ANXA4: variants seen among roughly 807,000 people sequenced by gnomAD.
ANXA4 encodes 35-beta calcimedin.
In ANXA4, 39 loss-of-function variants were observed where a neutral mutation model predicts 49.8. The ratio of observed to expected loss-of-function variants is 0.78; its 90% CI spans 0.61 to 1.02. The LOEUF is 1.02. ANXA4 is among the 50% of genes least tolerant of loss of function. The pLI is 0.00. For synonymous variants in ANXA4, 134 were observed against 152.5 expected, an observed-to-expected ratio of 0.88 and a Z score of 0.89; for missense variants, 360 against 410.1, an observed-to-expected ratio of 0.88 and a Z score of 1.05.
At chr2:69,774,345 T>TC (rs1671877926) in intron 1 of ANXA4, among the ~76,000 whole-genome samples, 1 of 134,930 alleles carries the variant, frequency 7.4e-6, no homozygotes, top group African/African-American at 2.7e-5. Context: ...CCCCCCTTTT[T>TC]TTTTTTTTTT....
intron 2 of ANXA4, among the ~76,000 whole-genome samples, chr2:69,703,159 T>G (rs1678386635): frequency 6.6e-6 from 1 of 151,906 alleles, no homozygotes; most frequent in Non-Finnish European, 1.5e-5. Context: ...GTCCTCCTTT[T>G]CCCTCTGTAG....
chr2:69,792,803 T>C (rs555211695), intron 3 of ANXA4, among the ~76,000 whole-genome samples: 1 of 152,350 alleles, frequency 6.6e-6, no homozygotes, highest in East Asian at 1.9e-4. Flanking sequence ...ATTTTTAACT[T>C]TAATGTAAAA....
chr2:69,825,219 C>T (rs1317795923), intron 12 of ANXA4, among the ~76,000 whole-genome samples: 1 of 151,986 alleles, frequency 6.6e-6, no homozygotes, highest in Non-Finnish European at 1.5e-5. Context: ...AGGACATTCA[C>T]ACATCAAAAC....
intron 1 of ANXA4, among the ~76,000 whole-genome samples, chr2:69,652,462 T>C (rs1175835560): frequency 6.6e-6 from 1 of 152,222 alleles, no homozygotes; most frequent in Non-Finnish European, 1.5e-5. Context: ...TAATAGGTTG[T>C]TGGGAGAAGC....
chr2:69,643,825 G>C, upstream of ANXA4: 7 of 1,183,344 alleles, frequency 5.9e-6, no homozygotes, highest in Non-Finnish European at 7.3e-6. Context: ...GTGCCCCTCG[G>C]GGCGGCGCGG....
At chr2:69,775,224 T>C (rs1280770278) in intron 1 of ANXA4, among the ~76,000 whole-genome samples, 1 of 152,234 alleles carries the variant, frequency 6.6e-6, no homozygotes, top group Non-Finnish European at 1.5e-5. Flanking sequence ...CATTGGTGGG[T>C]GGCTTTGCAG....
chr2:69,803,777 TAAAAAC>T (rs773893501), intron 3 of ANXA4, among the ~76,000 whole-genome samples: 2 of 149,404 alleles, frequency 1.3e-5, no homozygotes, highest in Non-Finnish European at 3.0e-5. Context: ...GATAAAAAGA[TAAAAAC>T]AAAAAAAAAG....
chr2:69,770,264 AAAG>A (rs1671654935), intron 1 of ANXA4, among the ~76,000 whole-genome samples: 1 of 152,230 alleles, frequency 6.6e-6, no homozygotes, highest in Admixed American at 6.5e-5. Flanking sequence ...TCCAAGAAAA[AAAG>A]AAGGAAAAAA....
intron 3 of ANXA4, among the ~76,000 whole-genome samples, chr2:69,788,414 C>T (rs1030052142): frequency 2.0e-5 from 3 of 152,188 alleles, no homozygotes; most frequent in African/African-American, 7.2e-5. Flanking sequence ...GTGGCACACA[C>T]CTGTAATCCC....
At chr2:69,746,472 T>C (rs1670618268) in intron 1 of ANXA4, among the ~76,000 whole-genome samples, 1 of 152,192 alleles carries the variant, frequency 6.6e-6, no homozygotes, top group Non-Finnish European at 1.5e-5. Context: ...TTAACTTAAT[T>C]GAAACTGAAT....
intron 1 of ANXA4, among the ~76,000 whole-genome samples, chr2:69,775,263 ATCTGAGCTTGG>A (rs1671919631): frequency 6.6e-6 from 1 of 152,330 alleles, no homozygotes; most frequent in East Asian, 1.9e-4. Context: ...ACTCACTGAA[ATCTGAGCTTGG>A]TCTGACCCAG....
At chr2:69,654,619 A>C (rs1052735892) in intron 2 of ANXA4, among the ~76,000 whole-genome samples, 6 of 152,224 alleles carry the variant, frequency 3.9e-5, no homozygotes, top group African/African-American at 1.4e-4. Flanking sequence ...CCAGCCTTGC[A>C]TCCCAGGGAT....
intron 2 of ANXA4, among the ~76,000 whole-genome samples, chr2:69,718,786 C>G (rs1204669026): frequency 1.3e-5 from 2 of 149,880 alleles, no homozygotes; most frequent in Admixed American, 1.3e-4. Context: ...CACACACATG[C>G]ATACACATAC....
intron 1 of ANXA4, among the ~76,000 whole-genome samples, chr2:69,757,052 G>A (rs955212953): frequency 1.4e-5 from 2 of 147,506 alleles, no homozygotes; most frequent in East Asian, 2.0e-4. Context: ...TCAGCTTTCC[G>A]ACTAGCTGAG....
chr2:69,721,144 G>A lies in ANXA4; in HGVS notation n.864+273G>A, dbSNP rs148021601. 2.5e-3 allele frequency among the ~76,000 whole-genome samples: 380 copies of A among 152,334 alleles called. 1 individual carries two copies. The highest frequency in any genetic ancestry group is 4.3e-3 in the Non-Finnish European group (295 of 68,034). On this transcript the variant is annotated intron_variant and non_coding_transcript_variant, in intron 3 of 3. Coordinates refer to the ANXA4 transcript ENST00000418066. ...TGGCTGCTGCTTCACATGTGGCATG[G>A]ACTCTCCGAGCTGCCACAGCCCGGC... is the stretch of plus-strand genomic sequence containing the variant.
At chr2:69,741,241 A>G (rs891413280), upstream of ANXA4, among the ~76,000 whole-genome samples, 7 of 152,210 alleles carry the variant, frequency 4.6e-5, no homozygotes, top group Non-Finnish European at 8.8e-5. Flanking sequence ...GAATTTGCCT[A>G]TAGACTCAAC....
At chr2:69,675,061 T>G (rs890351975) in intron 2 of ANXA4, among the ~76,000 whole-genome samples, 11 of 152,090 alleles carry the variant, frequency 7.2e-5, no homozygotes, top group African/African-American at 2.2e-4. Flanking sequence ...TAGCTGAGAC[T>G]ACAGGTGCCT....
intron 2 of ANXA4, among the ~76,000 whole-genome samples, chr2:69,673,763 C>G (rs936732950): frequency 6.6e-6 from 1 of 151,980 alleles, no homozygotes; most frequent in African/African-American, 2.4e-5. Context: ...TGCAGCCACC[C>G]TCAGTGGGAG....
At chr2:69,683,627 A>G (rs140916657) in intron 2 of ANXA4, among the ~76,000 whole-genome samples, 10 of 152,172 alleles carry the variant, frequency 6.6e-5, no homozygotes, top group African/African-American at 2.4e-4. Flanking sequence ...AAGACTCCCA[A>G]CTCAGACTGT....
Sources: allele counts gnomAD v4.1 joint callset (sites outside exome capture counted in the v4.1 genomes callset), GRCh38; gene constraint gnomAD v4.1.1; transcripts MANE v1.5; gene names NCBI Gene and HGNC (gene_info 2026-07-23, HGNC 2026-07-21).